Variants in PBX1 observed in about 807,000 individuals in gnomAD.
PBX1 encodes pre-B-cell leukemia transcription factor 1.
Under a neutral mutation model 53.4 loss-of-function variants are expected in PBX1, and 6 were observed. The ratio of observed to expected loss-of-function variants is 0.11; its 90% CI spans 0.06 to 0.22. The LOEUF is 0.22. Ranked by LOEUF, PBX1 falls within the 10% of genes least tolerant of loss-of-function variation. The pLI, the probability that PBX1 is intolerant of heterozygous loss-of-function variation, is 1.00. For missense variants in PBX1, 251 were observed against 551.4 expected, an observed-to-expected ratio of 0.46 and a Z score of 5.46; for synonymous variants, 204 against 212.3, an observed-to-expected ratio of 0.96 and a Z score of 0.34.
chr1:164,677,693 A>G (rs555939399), intron 2 of PBX1, among the ~76,000 whole-genome samples: 4 of 152,206 alleles, frequency 2.6e-5, no homozygotes, highest in Admixed American at 2.6e-4. Flanking sequence ...TGGGGCAGGA[A>G]CAGATACATA....
chr1:164,631,610 T>C (rs950414913), intron 2 of PBX1, among the ~76,000 whole-genome samples: 3 of 152,170 alleles, frequency 2.0e-5, no homozygotes, highest in Non-Finnish European at 2.9e-5. Flanking sequence ...ACAAGTGTGA[T>C]AGAAAAAAGA....
chr1:164,793,872 C>CTTTTTTT (rs72414989), intron 3 of PBX1, among the ~76,000 whole-genome samples: 124 of 78,212 alleles, frequency 1.6e-3, no homozygotes, highest in African/African-American at 1.8e-3. Context: ...TTTTTCCTTT[C>CTTTTTTT]TTTTTTTTTT....
intron 2 of PBX1, among the ~76,000 whole-genome samples, chr1:164,749,537 C>T (rs1044110206): frequency 2.0e-5 from 3 of 152,214 alleles, no homozygotes; most frequent in South Asian, 4.2e-4. Flanking sequence ...AGTCCATATT[C>T]AGGTATTTGA....
chr1:164,885,357 A>C (rs529794577), intron 2 of PBX1, among the ~76,000 whole-genome samples: 7 of 152,344 alleles, frequency 4.6e-5, no homozygotes, highest in African/African-American at 1.4e-4. Context: ...TTCTCTGGGA[A>C]ATATTTCTAG....
At chr1:164,625,953 A>G (rs1658006655) in intron 2 of PBX1, 1 of 1,037,242 alleles carries the variant, frequency 9.6e-7, no homozygotes, top group Non-Finnish European at 1.2e-6. Context: ...AGGAGTCGGA[A>G]CTGCCCCTCA....
chr1:164,870,426 C>A (rs1672355350), intron 2 of PBX1, among the ~76,000 whole-genome samples: 1 of 151,326 alleles, frequency 6.6e-6, no homozygotes, highest in Non-Finnish European at 1.5e-5. Context: ...CTCACTGCAA[C>A]CTCTGCCTCC....
intron 2 of PBX1, among the ~76,000 whole-genome samples, chr1:164,789,080 G>A (rs1023091697): frequency 6.6e-6 from 1 of 152,184 alleles, no homozygotes; most frequent in Non-Finnish European, 1.5e-5. Flanking sequence ...AAGAAAAGAG[G>A]CAGTATGCTT....
intron 2 of PBX1, among the ~76,000 whole-genome samples, chr1:164,574,568 A>G (rs1654089450): frequency 6.6e-6 from 1 of 152,164 alleles, no homozygotes; most frequent in Non-Finnish European, 1.5e-5. Context: ...TCTCCTATGA[A>G]TCCTTATATC....
At chr1:164,806,447 G>A (rs918162385) in intron 4 of PBX1, among the ~76,000 whole-genome samples, 3 of 152,138 alleles carry the variant, frequency 2.0e-5, no homozygotes, top group African/African-American at 7.2e-5. Flanking sequence ...GTTAATTTCA[G>A]TCAGTTCTGT....
chr1:164,773,141 G>A (rs193071708), intron 2 of PBX1: 2 of 152,012 alleles, frequency 1.3e-5, no homozygotes, highest in African/African-American at 4.8e-5. Flanking sequence ...TATTTTGGTT[G>A]CATTTTGGAA....
intron 2 of PBX1, among the ~76,000 whole-genome samples, chr1:164,614,812 C>T (rs929517306): frequency 2.6e-5 from 4 of 152,118 alleles, no homozygotes; most frequent in Admixed American, 1.3e-4. Context: ...CTCACTCTGC[C>T]GCCCAGGCTA....
intron 2 of PBX1, among the ~76,000 whole-genome samples, chr1:164,739,752 C>CGT (rs1665498543): frequency 2.6e-5 from 3 of 114,576 alleles, no homozygotes; most frequent in African/African-American, 1.1e-4. Context: ...AGTGGTTGTG[C>CGT]ATGTGTGTGT....
At chr1:164,618,461 A>G (rs549618352) in intron 2 of PBX1, among the ~76,000 whole-genome samples, 23 of 152,312 alleles carry the variant, frequency 1.5e-4, no homozygotes, top group African/African-American at 5.3e-4. Context: ...GCACAGCTCC[A>G]GTGGAAATTT....
At chr1:164,880,099 T>C (rs1209168805) in intron 2 of PBX1, among the ~76,000 whole-genome samples, 1 of 152,218 alleles carries the variant, frequency 6.6e-6, no homozygotes, top group Admixed American at 6.5e-5. Context: ...AGAAGGCTTA[T>C]GTTTTTCAAT....
chr1:164,578,975 A>G (rs910093751), intron 2 of PBX1, among the ~76,000 whole-genome samples: 1 of 129,642 alleles, frequency 7.7e-6, no homozygotes, highest in African/African-American at 3.0e-5. Flanking sequence ...CCCCATTGCT[A>G]TTTGCCAAAC....
Position 164,835,362 on chromosome 1 carries a change from A to G in PBX1, c.1201-11222A>G, listed in dbSNP as rs1670986797. 3.3e-5 allele frequency among the ~76,000 whole-genome samples: 5 copies of G among 152,064 alleles called. No homozygotes were observed. The South Asian group carries it at 1.0e-3, about 32-fold the overall frequency. On this transcript the variant is annotated intron_variant, in intron 8 of 8. Transcript: ENST00000420696. Reference sequence around the variant, plus strand: ...TTCTAAAAATGGAATTGCTAGATCAAAGGGTATGCATAAGTTTACAGTCTT... The same window carrying G: ...TTCTAAAAATGGAATTGCTAGATCAGAGGGTATGCATAAGTTTACAGTCTT...
chr1:164,640,534 C>T (rs1174375360), intron 2 of PBX1, among the ~76,000 whole-genome samples: 3 of 143,654 alleles, frequency 2.1e-5, no homozygotes, highest in East Asian at 2.1e-4. Flanking sequence ...TGTGGTTCCT[C>T]GTTTTTTGGT....
chr1:164,829,827 T>C (rs1379746315), intron 8 of PBX1: 1 of 151,626 alleles, frequency 6.6e-6, no homozygotes, highest in Middle Eastern at 3.2e-3. Context: ...CAAAAGAGAA[T>C]TGGTATCAAC....
intron 8 of PBX1, among the ~76,000 whole-genome samples, chr1:164,824,016 G>A (rs889797438): frequency 6.6e-6 from 1 of 152,038 alleles, no homozygotes; most frequent in African/African-American, 2.4e-5. Flanking sequence ...GAGGAGGGGA[G>A]ACAAGAAGAG....
Sources: allele counts gnomAD v4.1 joint callset (sites outside exome capture counted in the v4.1 genomes callset), GRCh38; gene constraint gnomAD v4.1.1; transcripts MANE v1.5; gene names NCBI Gene and HGNC (gene_info 2026-07-23, HGNC 2026-07-21).